The following MAP4 variants were observed in gnomAD, a reference collection of about 807,000 sequenced individuals.
MAP4 encodes microtubule associated protein 4.
MAP4 carries 76 observed loss-of-function variants against 170.2 expected under a neutral mutation model. The observed-to-expected ratio is 0.45, with a 90% confidence interval of 0.37 to 0.54. The LOEUF is 0.54. MAP4 is among the 20% of genes least tolerant of loss of function. The pLI is 0.00. For synonymous variants in MAP4, 909 were observed against 994.5 expected (o/e 0.91, Z 1.62); for missense variants, 2,506 against 2,748.0 (o/e 0.91, Z 1.97).
Position 47,962,840 on chromosome 3 carries a change from A to G in MAP4, c.292+15025T>C, listed in dbSNP as rs1306838701. Among the ~76,000 whole-genome samples the G allele has an allele frequency of 2.0e-5, 3 of 152,252 alleles. No homozygotes were observed. The East Asian group carries it at 5.8e-4, about 29-fold the overall frequency. Reference sequence around the variant, plus strand: ...AAACAGCAGAATGCCTGTTCGTTTTACACAGAAAAACTGAAGACCAGAAAT... The same window carrying G: ...AAACAGCAGAATGCCTGTTCGTTTTGCACAGAAAAACTGAAGACCAGAAAT... On this transcript the variant is annotated intron_variant, in intron 3 of 20. Transcript: ENST00000683076.
chr3:48,043,472 G>C (rs990662129), intron 1 of MAP4, among the ~76,000 whole-genome samples: 1 of 142,070 alleles, frequency 7.0e-6, no homozygotes, highest in Non-Finnish European at 1.5e-5. Context: ...TTACCAAAAA[G>C]AGAGATAACA....
At chr3:48,026,095 C>T (rs1407577394) in intron 1 of MAP4, among the ~76,000 whole-genome samples, 1 of 152,090 alleles carries the variant, frequency 6.6e-6, no homozygotes, top group South Asian at 2.1e-4. Flanking sequence ...ACTACATATA[C>T]AATTTCAGCT....
intron 3 of MAP4, among the ~76,000 whole-genome samples, chr3:47,954,032 A>C (rs978352106): frequency 3.3e-5 from 5 of 151,876 alleles, no homozygotes; most frequent in African/African-American, 1.2e-4. Flanking sequence ...AAAAAAAAAA[A>C]CAAACAACAA....
chr3:47,866,400 AAAG>A (rs2080204646), intron 17 of MAP4, among the ~76,000 whole-genome samples: 2 of 151,872 alleles, frequency 1.3e-5, no homozygotes, highest in African/African-American at 4.8e-5. Flanking sequence ...AGGGACTAAA[AAAG>A]GAGGGGAAGA....
intron 2 of MAP4, among the ~76,000 whole-genome samples, chr3:47,980,711 CAG>C (rs1256651028): frequency 6.6e-6 from 1 of 152,158 alleles, no homozygotes; most frequent in African/African-American, 2.4e-5. Flanking sequence ...TTTACTTATC[CAG>C]AGAGATGCCA....
intron 1 of MAP4, among the ~76,000 whole-genome samples, chr3:48,074,264 C>T (rs1369374072): frequency 7.5e-6 from 1 of 132,810 alleles, no homozygotes; most frequent in Non-Finnish European, 1.5e-5. Context: ...ACAATGAGAA[C>T]ACCTGGACAC....
At chr3:48,037,768 A>T (rs552329920) in intron 1 of MAP4, among the ~76,000 whole-genome samples, 1 of 152,154 alleles carries the variant, frequency 6.6e-6, no homozygotes, top group African/African-American at 2.4e-5. Flanking sequence ...GGAGCACTCT[A>T]TATGATATGT....
intron 1 of MAP4, among the ~76,000 whole-genome samples, chr3:48,016,038 G>C (rs562911638): frequency 6.6e-6 from 1 of 152,308 alleles, no homozygotes; most frequent in African/African-American, 2.4e-5. Flanking sequence ...GCTTGACAGG[G>C]TTCTGTTCGT....
intron 3 of MAP4, among the ~76,000 whole-genome samples, chr3:47,956,512 A>G (rs1370306396): frequency 6.6e-6 from 1 of 152,218 alleles, no homozygotes; most frequent in Non-Finnish European, 1.5e-5. Context: ...TGCCTGAGGT[A>G]AGACATGGCC....
At chr3:47,882,273 C>T (rs2096889017) in intron 10 of MAP4, among the ~76,000 whole-genome samples, 2 of 152,058 alleles carry the variant, frequency 1.3e-5, no homozygotes, top group Admixed American at 6.6e-5. Flanking sequence ...GAGTGAAACT[C>T]CATCTCAGTA....
At chr3:47,942,765 G>C (rs2100057303) in intron 3 of MAP4, among the ~76,000 whole-genome samples, 1 of 152,210 alleles carries the variant, frequency 6.6e-6, no homozygotes, top group African/African-American at 2.4e-5. Context: ...ATTGATTGTT[G>C]AATCTGGAAA....
At chr3:47,975,074 C>T (rs2100081179) in intron 3 of MAP4, 1 of 1,039,838 alleles carries the variant, frequency 9.6e-7, no homozygotes, top group African/African-American at 1.7e-5. Flanking sequence ...CATTTGAAAA[C>T]CAAAGGAAAA....
chr3:47,913,180 G>T (rs1239981884), intron 8 of MAP4, among the ~76,000 whole-genome samples: 1 of 152,154 alleles, frequency 6.6e-6, no homozygotes, highest in Non-Finnish European at 1.5e-5. Context: ...AGTTTCAGCA[G>T]GTGATCTGGT....
intron 10 of MAP4, chr3:47,891,777 G>A (rs776502330): frequency 6.4e-5 from 98 of 1,536,324 alleles, no homozygotes; most frequent in South Asian, 2.6e-4. Flanking sequence ...GGGGCTGGGT[G>A]GGCTAGAGAC....
chr3:47,953,995 C>A (rs2100066193), intron 3 of MAP4, among the ~76,000 whole-genome samples: 1 of 150,940 alleles, frequency 6.6e-6, no homozygotes, highest in African/African-American at 2.4e-5. Context: ...GCCTGGGTGA[C>A]AGAGTGAGAC....
intron 10 of MAP4, among the ~76,000 whole-genome samples, chr3:47,881,624 T>A (rs1030749721): frequency 6.6e-6 from 1 of 151,356 alleles, no homozygotes; most frequent in Non-Finnish European, 1.5e-5. Flanking sequence ...AGATAGCATA[T>A]ACTTGGGCAA....
At chr3:47,913,675 G>T (rs956818668) in intron 8 of MAP4, among the ~76,000 whole-genome samples, 2 of 151,892 alleles carry the variant, frequency 1.3e-5, no homozygotes, top group Admixed American at 6.6e-5. Flanking sequence ...TTACTGATTT[G>T]TTGAGTCAGT....
intron 1 of MAP4, among the ~76,000 whole-genome samples, chr3:48,072,577 T>C (rs1220833486): frequency 1.3e-5 from 2 of 152,188 alleles, no homozygotes; most frequent in Non-Finnish European, 2.9e-5. Flanking sequence ...GGAAATAATA[T>C]ATAAAATCAA....
In MAP4 at chr3:47,909,629, C is replaced by T; in HGVS notation, c.4792G>A (p.Asp1598Asn). Residue 1598 changes from aspartate (D) to asparagine (N), a missense_variant, in exon 9 of 21, where the codon GAT (aspartate) becomes AAT (asparagine). By Grantham distance (23) the Asp-to-Asn change is conservative. Transcript: ENST00000683076. ...GEARALEGYA[D>N]RGNFPAHPVN... is the part of the protein sequence containing the mutation. ...GGATGTGCTGGGAAATTACCTCTATCTGCATATCCTTCTAGGGCTCTGGCC... is the reference window on the plus strand; with the variant it reads ...GGATGTGCTGGGAAATTACCTCTATTTGCATATCCTTCTAGGGCTCTGGCC... 1 of 1,613,854 alleles carries T rather than the reference C, an allele frequency of 6.2e-7. No individual in the cohort carries two copies.
Sources: gnomAD v4.1 joint callset for allele counts (sites outside exome capture counted in the v4.1 genomes callset) on GRCh38, gnomAD v4.1.1 for gene constraint, MANE v1.5 for transcripts, NCBI Gene and HGNC (gene_info 2026-07-23, HGNC 2026-07-21) for gene names.